The following ASIC2 variants were observed in gnomAD, a reference collection of about 807,000 sequenced individuals.
The protein encoded by ASIC2 is acid sensing ion channel subunit 2.
A neutral mutation model predicts 57.3 loss-of-function variants in ASIC2; 25 were observed. The ratio of observed to expected loss-of-function variants is 0.44; its 90% confidence interval spans 0.32 to 0.61. The LOEUF (loss-of-function observed/expected upper bound fraction) is 0.61. ASIC2 is among the 20% of genes least tolerant of loss of function. The pLI, the probability that ASIC2 is intolerant of heterozygous loss-of-function variation, is 0.06. For missense variants in ASIC2, 641 were observed against 738.1 expected (o/e 0.87, Z 1.52); for synonymous variants, 319 against 307.5 (o/e 1.04, Z -0.39).
chr17:33,317,663 A>T (rs1906710589), intron 1 of ASIC2, among the ~76,000 whole-genome samples: 1 of 152,098 alleles, frequency 6.6e-6, no homozygotes, highest in East Asian at 1.9e-4. Context: ...ATAAGACCTC[A>T]CTCTTGTAGG....
intron 1 of ASIC2, among the ~76,000 whole-genome samples, chr17:33,492,226 C>T (rs538842411): frequency 4.6e-5 from 7 of 152,144 alleles, no homozygotes; most frequent in Non-Finnish European, 1.0e-4. Flanking sequence ...ACAGCAATTC[C>T]GTGTGGTGAG....
At chr17:33,968,227 C>G (rs928148898) in intron 1 of ASIC2, among the ~76,000 whole-genome samples, 1 of 152,166 alleles carries the variant, frequency 6.6e-6, no homozygotes, top group Non-Finnish European at 1.5e-5. Context: ...TGACTTCAAG[C>G]CCAGTGCCCT....
intron 1 of ASIC2, among the ~76,000 whole-genome samples, chr17:34,061,287 C>CA (rs1908961135): frequency 3.3e-5 from 5 of 152,118 alleles, no homozygotes; most frequent in Admixed American, 3.3e-4. Flanking sequence ...AATTTTCAGA[C>CA]AAAGAAATGT....
intron 1 of ASIC2, among the ~76,000 whole-genome samples, chr17:33,890,954 G>A (rs989002953): frequency 7.0e-6 from 1 of 143,600 alleles, no homozygotes; most frequent in Non-Finnish European, 1.5e-5. Context: ...CAGACTGTGT[G>A]AGTCCAGAGC....
At chr17:33,148,066 C>T (rs1904636554) in intron 1 of ASIC2, among the ~76,000 whole-genome samples, 1 of 152,190 alleles carries the variant, frequency 6.6e-6, no homozygotes, top group Admixed American at 6.5e-5. Context: ...TTTAAGACAA[C>T]AAATCAAGCA....
chr17:33,031,837 C>A (rs2141907184), intron 3 of ASIC2, among the ~76,000 whole-genome samples: 1 of 152,280 alleles, frequency 6.6e-6, no homozygotes, highest in South Asian at 2.1e-4. Context: ...ACCCTGTCAT[C>A]ATTGTGAATA....
intron 1 of ASIC2, among the ~76,000 whole-genome samples, chr17:34,109,003 T>C (rs1044031729): frequency 1.3e-5 from 2 of 151,202 alleles, no homozygotes; most frequent in South Asian, 2.1e-4. Context: ...TCAACATATT[T>C]TGTCTATTTT....
chr17:33,163,839 G>C (rs879852183), intron 1 of ASIC2, among the ~76,000 whole-genome samples: 2 of 152,160 alleles, frequency 1.3e-5, no homozygotes, highest in Non-Finnish European at 2.9e-5. Context: ...GTGTTCAGTA[G>C]GTGGTTGGGG....
chr17:33,153,050 C>T (rs983913744), intron 1 of ASIC2, among the ~76,000 whole-genome samples: 10 of 152,158 alleles, frequency 6.6e-5, no homozygotes, highest in African/African-American at 2.4e-4. Flanking sequence ...TCTTTTTCCT[C>T]TCAGTTTCCA....
At chr17:33,195,591 C>A (rs1906591342) in intron 1 of ASIC2, among the ~76,000 whole-genome samples, 1 of 152,078 alleles carries the variant, frequency 6.6e-6, no homozygotes, top group Admixed American at 6.5e-5. Flanking sequence ...AAGAAATAAA[C>A]CCTGTCCTCA....
chr17:33,470,497 C>T (rs938819604), intron 1 of ASIC2, among the ~76,000 whole-genome samples: 3 of 152,120 alleles, frequency 2.0e-5, no homozygotes, highest in African/African-American at 7.2e-5. Flanking sequence ...AATACAGATT[C>T]CTGGACTTTT....
intron 1 of ASIC2, among the ~76,000 whole-genome samples, chr17:33,836,415 C>T (rs79732583): frequency 1.3e-5 from 2 of 152,080 alleles, no homozygotes; most frequent in East Asian, 3.9e-4. Flanking sequence ...ATCTTGAGCA[C>T]AAGTGATCCA....
intron 1 of ASIC2, among the ~76,000 whole-genome samples, chr17:33,185,105 T>C (rs1429829069): frequency 6.6e-6 from 1 of 152,186 alleles, no homozygotes; most frequent in African/African-American, 2.4e-5. Context: ...AACAGAAGCG[T>C]CAATGGAACT....
At chr17:33,955,414 C>T (rs1212540363) in intron 1 of ASIC2, 2 of 152,184 alleles carry the variant, frequency 1.3e-5, no homozygotes, top group African/African-American at 2.4e-5. Flanking sequence ...AGGAAGGTTG[C>T]AAGGATGGAG....
chr17:33,618,216 G>T (rs1043384404), intron 1 of ASIC2, among the ~76,000 whole-genome samples: 1 of 112,480 alleles, frequency 8.9e-6, no homozygotes, highest in Non-Finnish European at 1.9e-5. Flanking sequence ...GGTTTTTGTT[G>T]TTGTTGTTTG....
intron 1 of ASIC2, among the ~76,000 whole-genome samples, chr17:33,426,068 G>A (rs560236644): frequency 6.6e-6 from 1 of 152,138 alleles, no homozygotes; most frequent in South Asian, 2.1e-4. Flanking sequence ...GCCAACCAGG[G>A]CACCTGACTA....
chr17:33,866,672 G>A (rs1293760540), intron 1 of ASIC2, among the ~76,000 whole-genome samples: 1 of 152,094 alleles, frequency 6.6e-6, no homozygotes, highest in Non-Finnish European at 1.5e-5. Flanking sequence ...ACACACTCCA[G>A]GTACCAATCG....
At chr17:33,756,925 C>G (rs1910621854) in intron 1 of ASIC2, among the ~76,000 whole-genome samples, 1 of 152,182 alleles carries the variant, frequency 6.6e-6, no homozygotes, top group Non-Finnish European at 1.5e-5. Context: ...TGGGCAGAAA[C>G]CAAGGTGACA....
intron 1 of ASIC2, among the ~76,000 whole-genome samples, chr17:34,065,544 G>A (rs1436761186): frequency 6.6e-6 from 1 of 152,022 alleles, no homozygotes; most frequent in Admixed American, 6.6e-5. Context: ...TTTTAAAAAA[G>A]CAATTTTATC....
Sources: allele counts gnomAD v4.1 joint callset (sites outside exome capture counted in the v4.1 genomes callset), GRCh38; gene constraint gnomAD v4.1.1; transcripts MANE v1.5; gene names NCBI Gene and HGNC (gene_info 2026-07-23, HGNC 2026-07-21).